TMCO5A: variants seen among roughly 807,000 people sequenced by gnomAD.
The protein encoded by TMCO5A is transmembrane and coiled-coil domain-containing protein 5A.
Under a neutral mutation model 42.3 loss-of-function variants are expected in TMCO5A, and 34 were observed. The ratio of observed to expected loss-of-function variants is 0.80; its 90% CI spans 0.61 to 1.07. The LOEUF (loss-of-function observed/expected upper bound fraction) is 1.07, where lower values mean the gene tolerates loss of function less well. TMCO5A is among the 50% of genes least tolerant of loss of function. The pLI is 0.00. For missense variants in TMCO5A, 357 were observed against 327.9 expected, an observed-to-expected ratio of 1.09 and a Z score of -0.69; for synonymous variants, 131 against 115.6, an observed-to-expected ratio of 1.13 and a Z score of -0.86.
At chr15:37,966,118 C>A (rs1310878578) in intron 11 of TMCO5A, among the ~76,000 whole-genome samples, 1 of 152,040 alleles carries the variant, frequency 6.6e-6, no homozygotes, top group Non-Finnish European at 1.5e-5. Context: ...GAACTGGAGG[C>A]CATTATGCTA....
At chr15:38,027,740 T>A in the TMCO5A span, among the ~76,000 whole-genome samples, 1 of 152,112 alleles carries the variant, frequency 6.6e-6, no homozygotes, top group Non-Finnish European at 1.5e-5. Context: ...GTGGAAATAA[T>A]TGAATCATGG....
chr15:38,015,623 T>A, the TMCO5A span, among the ~76,000 whole-genome samples: 1 of 152,338 alleles, frequency 6.6e-6, no homozygotes, highest in East Asian at 1.9e-4. Flanking sequence ...CACAGCATTA[T>A]TCTTAACAGT....
the TMCO5A span, among the ~76,000 whole-genome samples, chr15:38,006,397 A>G: frequency 6.6e-6 from 1 of 152,196 alleles, no homozygotes; most frequent in Non-Finnish European, 1.5e-5. Flanking sequence ...GGTTGAGCTT[A>G]TGGACTCAGG....
chr15:37,980,581 C>CT, the TMCO5A span, among the ~76,000 whole-genome samples: 1 of 136,272 alleles, frequency 7.3e-6, no homozygotes, highest in African/African-American at 2.8e-5. Flanking sequence ...ATTCGCCACT[C>CT]TTTCTCCTCT....
intron 6 of TMCO5A, among the ~76,000 whole-genome samples, chr15:37,940,307 C>G (rs1159123425): frequency 6.6e-6 from 1 of 152,152 alleles, no homozygotes; most frequent in South Asian, 2.1e-4. Flanking sequence ...TGTCTCGGCC[C>G]TACCTACCAA....
chr15:37,960,210 A>G (rs998063052), intron 11 of TMCO5A, among the ~76,000 whole-genome samples: 1 of 151,796 alleles, frequency 6.6e-6, no homozygotes, highest in Admixed American at 6.6e-5. Flanking sequence ...CAAGTCCCCA[A>G]AGTCCATTGT....
the TMCO5A span, among the ~76,000 whole-genome samples, chr15:37,983,635 G>T: frequency 6.6e-6 from 1 of 151,966 alleles, no homozygotes; most frequent in African/African-American, 2.4e-5. Context: ...GTACCATGAG[G>T]TACTTTCCCA....
chr15:37,938,269 T>C (rs1327614681), intron 6 of TMCO5A, 40 bp downstream of exon 6: 1 of 1,485,872 alleles, frequency 6.7e-7, no homozygotes, highest in Non-Finnish European at 9.1e-7. Context: ...TTGGGCTATG[T>C]AACCAGGAAA....
chr15:37,941,420 T>A (rs1889734942), intron 7 of TMCO5A, among the ~76,000 whole-genome samples: 1 of 151,800 alleles, frequency 6.6e-6, no homozygotes, highest in Admixed American at 6.6e-5. Flanking sequence ...ACAGTTTGTA[T>A]CTCGCAAATA....
the TMCO5A span, among the ~76,000 whole-genome samples, chr15:38,038,534 T>C: frequency 6.6e-6 from 1 of 151,540 alleles, no homozygotes; most frequent in Non-Finnish European, 1.5e-5. Context: ...GCCTCCCGAG[T>C]AGCTGGGACT....
chr15:37,980,286 A>G, the TMCO5A span, among the ~76,000 whole-genome samples: 1 of 152,170 alleles, frequency 6.6e-6, no homozygotes, highest in African/African-American at 2.4e-5. Context: ...TGCTGCCCCC[A>G]CCGCCAGAGC....
chr15:37,964,621 C>G (rs1012324411), intron 11 of TMCO5A, among the ~76,000 whole-genome samples: 1 of 151,790 alleles, frequency 6.6e-6, no homozygotes, highest in Admixed American at 6.6e-5. Context: ...TTTCTATATG[C>G]CAACAGTGAA....
At chr15:37,972,584 T>G (rs1008754568), downstream of TMCO5A, among the ~76,000 whole-genome samples, 3 of 152,242 alleles carry the variant, frequency 2.0e-5, no homozygotes, top group African/African-American at 7.2e-5. Flanking sequence ...GTATGTCTTC[T>G]TTTGAAAAGT....
the TMCO5A span, among the ~76,000 whole-genome samples, chr15:38,026,510 G>A: frequency 2.6e-5 from 4 of 152,196 alleles, no homozygotes; most frequent in South Asian, 6.2e-4. Context: ...TTTTATAAGG[G>A]AAGCAGAGCA....
Position 37,951,359 on chromosome 15 carries a change from T to A in TMCO5A, c.*125T>A. 1 of 849,298 alleles carries A rather than the reference T, an allele frequency of 1.2e-6. No individual in the cohort carries two copies. The highest frequency in any genetic ancestry group is 1.8e-6 in the Non-Finnish European group (1 of 544,816). 52.6% of individuals were successfully genotyped at this position (849,298 alleles called of 1,614,324 possible). A position where few individuals can be genotyped will look rare whatever the true frequency, so the allele number is the denominator to read the frequency against. On this transcript the variant is annotated 3_prime_UTR_variant, in exon 12 of 12. Coordinates refer to ENST00000319669, the MANE Select transcript of TMCO5A (RefSeq NM_152453.4). ...TTTCCTCACCGTTTGCCTGCTTGAC[T>A]ACCTTCTGTCACCACGTCATCTTTC... is the stretch of plus-strand genomic sequence containing the variant.
At chr15:37,937,031 A>G in intron 4 of TMCO5A, 61 bp downstream of exon 4, 1 of 1,597,386 alleles carries the variant, frequency 6.3e-7, no homozygotes, top group Non-Finnish European at 8.5e-7. Context: ...ATCCTTCATC[A>G]ATTATCAGAT....
At chr15:38,014,155 T>A in the TMCO5A span, among the ~76,000 whole-genome samples, 1 of 152,186 alleles carries the variant, frequency 6.6e-6, no homozygotes, top group Non-Finnish European at 1.5e-5. Flanking sequence ...CTGCAAAATA[T>A]TTTTTTGCCA....
rs1267424159 is a variant in TMCO5A, at chr15:37,947,642, C to T, written c.628-14C>T. 8.2e-6 allele frequency: 13 copies of T among 1,576,106 alleles called. 1 individual carries two copies. Among genetic ancestry groups the T allele is most frequent in the Non-Finnish European group, 1.1e-5 (13 of 1,153,158 alleles). On this transcript the variant is annotated splice_polypyrimidine_tract_variant and intron_variant, in intron 10 of 11. Transcript: ENST00000319669. ...CAGAAATTGCTTATTTATCAATATC[C>T]TTTCTTCTTCCAGGGTACTCCTACC...
the TMCO5A span, among the ~76,000 whole-genome samples, chr15:37,998,260 C>G: frequency 2.8e-3 from 432 of 152,266 alleles, 2 homozygotes; most frequent in Middle Eastern, 0.037. Context: ...GGATATTACT[C>G]AAGAAATTTT....
Sources: allele counts gnomAD v4.1 joint callset (sites outside exome capture counted in the v4.1 genomes callset), GRCh38; gene constraint gnomAD v4.1.1; transcripts MANE v1.5; gene names NCBI Gene and HGNC (gene_info 2026-07-23, HGNC 2026-07-21).